Variants in NEK3 observed in about 807,000 individuals in gnomAD.
NEK3 encodes the protein NIMA related kinase 3.
Under a neutral mutation model 66.0 loss-of-function variants are expected in NEK3, and 54 were observed. The ratio of observed to expected loss-of-function variants is 0.82; its 90% CI spans 0.66 to 1.03. NEK3 has a LOEUF of 1.03. Among genes scored for constraint, NEK3 ranks in the 50% least tolerant of loss-of-function variants. The pLI, the probability that NEK3 is intolerant of heterozygous loss-of-function variation, is 0.00. For missense variants in NEK3, 593 were observed against 603.0 expected, an observed-to-expected ratio of 0.98 and a Z score of 0.17; for synonymous variants, 200 against 206.2, an observed-to-expected ratio of 0.97 and a Z score of 0.26.
At chr13:52,153,187 G>C (rs1194902702) in intron 4 of NEK3, among the ~76,000 whole-genome samples, 1 of 151,960 alleles carries the variant, frequency 6.6e-6, no homozygotes, top group East Asian at 1.9e-4. Flanking sequence ...TAGGTGTCTT[G>C]GGGGCCTACA....
intron 1 of NEK3, among the ~76,000 whole-genome samples, chr13:52,158,638 C>T (rs1956415497): frequency 6.6e-6 from 1 of 152,176 alleles, no homozygotes; most frequent in African/African-American, 2.4e-5. Flanking sequence ...ATATTACACC[C>T]ATATGATCAT....
chr13:52,141,098 G>C, intron 10 of NEK3, 29 bp from the exon 11 acceptor site: 3 of 1,570,436 alleles, frequency 1.9e-6, no homozygotes, highest in Non-Finnish European at 2.6e-6. Flanking sequence ...AAGGTAGAAA[G>C]ATAAAACACA....
At chr13:52,153,021 CTACAGCTTTTCTAGTGTAATCATT>C in intron 4 of NEK3, among the ~76,000 whole-genome samples, 1 of 152,258 alleles carries the variant, frequency 6.6e-6, no homozygotes, top group African/African-American at 2.4e-5. Context: ...AAGAAATACA[CTACAGCTTTTCTAGTGTAATCATT>C]ATGTTGGATT....
rs1411818667 is a variant in NEK3, at chr13:52,133,038, T to G, written c.*104A>C. 1.3e-5 allele frequency: 12 copies of G among 915,746 alleles called. No homozygotes were observed. Among genetic ancestry groups the G allele is most frequent in the Non-Finnish European group, 1.5e-5 (9 of 581,318 alleles). The allele number at this position is 915,746 out of a possible 1,614,324, so 56.7% of individuals were successfully genotyped here. A position where few individuals can be genotyped will look rare whatever the true frequency, so the allele number is the denominator to read the frequency against. Reference sequence around the variant, plus strand: ...ATTAAGAGTTTCCTCTGCTTCATTCTGTTTCCAAAGGAAAATATACGTCGC... The same window carrying G: ...ATTAAGAGTTTCCTCTGCTTCATTCGGTTTCCAAAGGAAAATATACGTCGC... On this transcript the variant is annotated 3_prime_UTR_variant, in exon 16 of 16. Coordinates refer to ENST00000610828, the MANE Select transcript of NEK3 (RefSeq NM_002498.3).
At chr13:52,136,422 A>C (rs1956206751) in intron 12 of NEK3, among the ~76,000 whole-genome samples, 163 bp from the exon 13 acceptor site, 1 of 152,012 alleles carries the variant, frequency 6.6e-6, no homozygotes, top group South Asian at 2.1e-4. Flanking sequence ...AGCAAAGGAA[A>C]TTTAAAAAAA....
rs774349691 is a variant in NEK3, at chr13:52,152,559, A to T, written c.393+50T>A. 4.2e-6 allele frequency: 5 copies of T among 1,185,450 alleles called. No homozygotes were observed. In the Admixed American group the frequency reaches 1.0e-4, roughly 24 times the overall value. The allele number at this position is 1,185,450 out of a possible 1,614,324, so 73.4% of individuals were successfully genotyped here. On this transcript the variant is annotated intron_variant, in intron 5 of 15. Transcript: ENST00000610828. ...ATGCATGGCATAACACAGTAAAATG[A>T]CTGAATTAAGGACTTTTTTTTTTTA... is the stretch of plus-strand genomic sequence containing the variant.
At chr13:52,149,510 C>T (rs57261996) in intron 7 of NEK3, among the ~76,000 whole-genome samples, 2 of 152,214 alleles carry the variant, frequency 1.3e-5, no homozygotes, top group African/African-American at 4.8e-5. Context: ...CTAGGTCCCC[C>T]AATCATTCTC....
At chr13:52,136,985 T>A in intron 11 of NEK3, 83 bp from the exon 12 acceptor site, 1 of 873,952 alleles carries the variant, frequency 1.1e-6, no homozygotes, top group Non-Finnish European at 1.7e-6. Context: ...TCAGCCATTT[T>A]AATTTCAAAT....
chr13:52,151,367 T>C lies in NEK3; in HGVS notation c.419A>G (p.Lys140Arg). 1 of 1,593,624 alleles carries C rather than the reference T, an allele frequency of 6.3e-7. No individual in the cohort carries two copies. Among genetic ancestry groups the C allele is most frequent in the Non-Finnish European group, 8.6e-7 (1 of 1,169,492 alleles). ...AGATCCAAAGTCTCCCAATTTCACTTTTCCATTCTGAGTGAGGAAGATATT... is the reference window on the plus strand; with the variant it reads ...AGATCCAAAGTCTCCCAATTTCACTCTTCCATTCTGAGTGAGGAAGATATT... ...SKNIFLTQNG[K>R]VKLGDFGSAR... Residue 140 changes from lysine (K) to arginine (R), a missense_variant, in exon 6 of 16, where the codon AAA (lysine) becomes AGA (arginine). Transcript: ENST00000610828.
intron 2 of NEK3, 80 bp from the exon 3 acceptor site, chr13:52,154,253 A>C: frequency 1.2e-6 from 1 of 864,568 alleles, no homozygotes; most frequent in Non-Finnish European, 1.8e-6. Context: ...GGTTTATATG[A>C]CACTTTAATG....
chr13:52,135,640 G>T (rs1956197553), intron 14 of NEK3, 89 bp downstream of exon 14: 1 of 1,203,158 alleles, frequency 8.3e-7, no homozygotes, highest in Non-Finnish European at 1.1e-6. Flanking sequence ...ACCTTAAAAT[G>T]GTTCAAATGT....
intron 7 of NEK3, 21 bp from the exon 8 acceptor site, chr13:52,148,490 T>C (rs1956312859): frequency 1.2e-6 from 2 of 1,610,274 alleles, no homozygotes; most frequent in Non-Finnish European, 8.5e-7. Context: ...AAAGAAGCAA[T>C]GTAATCACAA....
chr13:52,133,646 C>A, intron 15 of NEK3, 43 bp downstream of exon 15: 1 of 1,538,506 alleles, frequency 6.5e-7, no homozygotes, highest in South Asian at 1.2e-5. Context: ...CACACACACA[C>A]CCCCAACCCC....
At position 52,143,987 on chromosome 13, in the gene NEK3, T is replaced by A. The variant is rs1199555488; in HGVS notation, c.805A>T (p.Ile269Phe). Residue 269 changes from isoleucine to phenylalanine, a missense_variant and splice_region_variant, in exon 10 of 16, where the codon ATC becomes TTC. Ile to Phe is a conservative substitution (Grantham distance 21). Coordinates refer to ENST00000610828, the MANE Select transcript of NEK3 (RefSeq NM_002498.3). ...RLVQKCLPPE[I>F]IMEYGEEVLE... ...ACTTCCTCACCATATTCCATGATGA[T>A]CTGAAATTTAAAGTTGAGAATTTAG... The A allele has an allele frequency of 1.3e-6, 2 of 1,485,052 alleles. No individual in the cohort carries two copies. Among genetic ancestry groups the A allele is most frequent in the Non-Finnish European group, 1.8e-6 (2 of 1,094,558 alleles). 92.0% of individuals were successfully genotyped at this position (1,485,052 alleles called of 1,614,324 possible).
chr13:52,147,567 G>A (rs1035727108), intron 8 of NEK3, among the ~76,000 whole-genome samples: 1 of 152,206 alleles, frequency 6.6e-6, no homozygotes, highest in Non-Finnish European at 1.5e-5. Flanking sequence ...CCTAGAATAT[G>A]CAAATTCATG....
intron 10 of NEK3, among the ~76,000 whole-genome samples, chr13:52,141,349 G>C (rs1369554288): frequency 2.0e-5 from 3 of 152,190 alleles, no homozygotes; most frequent in Non-Finnish European, 4.4e-5. Context: ...TAAGCACTAA[G>C]AGGTAACATA....
In NEK3 at chr13:52,132,973, C is replaced by A. The variant is rs1014680289; in HGVS notation, c.*169G>T. 4.9e-6 allele frequency: 3 copies of A among 608,280 alleles called. No homozygotes were observed. The African/African-American group carries it at 5.5e-5, about 11-fold the overall frequency. The allele number at this position is 608,280 out of a possible 1,614,324, so 37.7% of individuals were successfully genotyped here. A position where few individuals can be genotyped will look rare whatever the true frequency, so the allele number is the denominator to read the frequency against. On this transcript the variant is annotated 3_prime_UTR_variant, in exon 16 of 16. Coordinates refer to ENST00000610828, the MANE Select transcript of NEK3 (RefSeq NM_002498.3). ...TTCAAAAACTTACAGGAGTTCTAGA[C>A]TTTTCAAACTCACGATACTAATCAA...
Position 52,132,973 on chromosome 13 carries a change from CTT to C in NEK3, c.*167_*168del, listed in dbSNP as rs1956166060. 2 of 608,280 alleles carry C rather than the reference CTT, an allele frequency of 3.3e-6. No homozygotes were observed. Among genetic ancestry groups the C allele is most frequent in the Non-Finnish European group, 5.8e-6 (2 of 346,210 alleles). 37.7% of individuals were successfully genotyped at this position (608,280 alleles called of 1,614,324 possible). A position where few individuals can be genotyped will look rare whatever the true frequency, so the allele number is the denominator to read the frequency against. On this transcript the variant is annotated 3_prime_UTR_variant, in exon 16 of 16. Transcript: ENST00000610828. The stretch of plus-strand genomic sequence containing the variant: ...TTCAAAAACTTACAGGAGTTCTAGA[CTT>C]TTCAAACTCACGATACTAATCAAGA...
At chr13:52,156,988 G>C (rs1956401077) in intron 1 of NEK3, 1 of 152,126 alleles carries the variant, frequency 6.6e-6, no homozygotes, top group African/African-American at 2.4e-5. Flanking sequence ...AACAAATGTA[G>C]GCTATTTAAG....
Sources: gnomAD v4.1 joint callset for allele counts (sites outside exome capture counted in the v4.1 genomes callset) on GRCh38, gnomAD v4.1.1 for gene constraint, MANE v1.5 for transcripts, NCBI Gene and HGNC (gene_info 2026-07-23, HGNC 2026-07-21) for gene names.